Variants in LHFPL3 observed in about 807,000 individuals in gnomAD.
LHFPL3 encodes LHFPL tetraspan subfamily member 3.
LHFPL3 carries 5 observed loss-of-function variants against 19.3 expected under a neutral mutation model. The ratio of observed to expected loss-of-function variants is 0.26; its 90% CI spans 0.14 to 0.54. The LOEUF (loss-of-function observed/expected upper bound fraction) is 0.54, where lower values mean the gene tolerates loss of function less well. LHFPL3 is among the 20% of genes least tolerant of loss of function. The pLI is 0.94. For synonymous variants in LHFPL3, 133 were observed against 126.2 expected (o/e 1.05, Z -0.36); for missense variants, 249 against 307.4 (o/e 0.81, Z 1.42).
intron 2 of LHFPL3, among the ~76,000 whole-genome samples, chr7:104,891,260 T>C (rs193165861): frequency 6.8e-4 from 104 of 152,206 alleles, no homozygotes; most frequent in African/African-American, 2.4e-3. Context: ...CTCCCATAAA[T>C]GTATTTCTTA....
At chr7:104,578,461 C>T (rs1222347822) in intron 1 of LHFPL3, among the ~76,000 whole-genome samples, 1 of 152,148 alleles carries the variant, frequency 6.6e-6, no homozygotes, top group Non-Finnish European at 1.5e-5. Context: ...GGCAGGTAGG[C>T]AAGAGTGTTC....
chr7:104,764,577 A>G (rs1382223069), intron 2 of LHFPL3, among the ~76,000 whole-genome samples: 2 of 152,168 alleles, frequency 1.3e-5, no homozygotes, highest in African/African-American at 2.4e-5. Flanking sequence ...TATTTCAGTT[A>G]CAAAAACCCT....
intron 1 of LHFPL3, among the ~76,000 whole-genome samples, chr7:104,501,491 A>C (rs2115733393): frequency 6.6e-6 from 1 of 152,284 alleles, no homozygotes; most frequent in Non-Finnish European, 1.5e-5. Flanking sequence ...ATCTAAAGGC[A>C]CTTTTTTTTG....
At chr7:104,876,738 A>C (rs1191271091) in intron 2 of LHFPL3, among the ~76,000 whole-genome samples, 1 of 152,026 alleles carries the variant, frequency 6.6e-6, no homozygotes, top group East Asian at 1.9e-4. Flanking sequence ...GGGATCTAGA[A>C]CTAGAAATAC....
At chr7:104,408,864 C>CTTTTTTTTT (rs561975535) in intron 1 of LHFPL3, among the ~76,000 whole-genome samples, 1,979 of 105,206 alleles carry the variant, frequency 0.019, 184 homozygotes, top group Admixed American at 0.057. Flanking sequence ...AATTTTCTTT[C>CTTTTTTTTT]TTTTTTTTTT....
chr7:104,339,029 C>A (rs550810614), intron 1 of LHFPL3, among the ~76,000 whole-genome samples: 2 of 152,266 alleles, frequency 1.3e-5, no homozygotes, highest in African/African-American at 4.8e-5. Flanking sequence ...GGGTGGATCG[C>A]CTGAGGTCAG....
chr7:104,420,306 C>A (rs1326094870), intron 1 of LHFPL3, among the ~76,000 whole-genome samples: 3 of 152,238 alleles, frequency 2.0e-5, no homozygotes, highest in Non-Finnish European at 4.4e-5. Flanking sequence ...CTCCCCTCCC[C>A]TTGTTAGTGA....
intron 1 of LHFPL3, among the ~76,000 whole-genome samples, chr7:104,595,174 G>C (rs1453979195): frequency 6.6e-6 from 1 of 152,184 alleles, no homozygotes. Context: ...CATCTTTGTG[G>C]TTATATCTAC....
At chr7:104,690,930 T>A (rs112911640) in intron 1 of LHFPL3, among the ~76,000 whole-genome samples, 23 of 152,186 alleles carry the variant, frequency 1.5e-4, no homozygotes, top group African/African-American at 5.5e-4. Flanking sequence ...GCTTGAGGTG[T>A]CAGTGGCAGA....
chr7:104,822,641 T>A (rs75955085), intron 2 of LHFPL3, among the ~76,000 whole-genome samples: 3 of 152,128 alleles, frequency 2.0e-5, no homozygotes, highest in African/African-American at 7.2e-5. Flanking sequence ...GAGGAAGGAA[T>A]AGTTTTTCTT....
chr7:104,725,918 G>A (rs1048941667), intron 1 of LHFPL3, among the ~76,000 whole-genome samples: 1 of 151,952 alleles, frequency 6.6e-6, no homozygotes, highest in South Asian at 2.1e-4. Flanking sequence ...CAGGCATGGT[G>A]GCATGTGCCT....
At chr7:104,517,741 C>T (rs1193565607) in intron 1 of LHFPL3, among the ~76,000 whole-genome samples, 1 of 152,164 alleles carries the variant, frequency 6.6e-6, no homozygotes, top group East Asian at 1.9e-4. Context: ...CTCCTGACCT[C>T]AGGTGATCTA....
chr7:104,362,092 G>C (rs781027864), intron 1 of LHFPL3, among the ~76,000 whole-genome samples: 3 of 152,224 alleles, frequency 2.0e-5, no homozygotes, highest in Non-Finnish European at 4.4e-5. Context: ...ATGTTCCTGG[G>C]TTCTAGTTGG....
chr7:104,840,498 T>G (rs1186238638), intron 2 of LHFPL3, among the ~76,000 whole-genome samples: 5 of 138,646 alleles, frequency 3.6e-5, no homozygotes, highest in Admixed American at 2.2e-4. Flanking sequence ...TTTTTTTTTT[T>G]TTTTTGTAGA....
chr7:104,356,935 A>G (rs1382145515), intron 1 of LHFPL3, among the ~76,000 whole-genome samples: 1 of 152,202 alleles, frequency 6.6e-6, no homozygotes, highest in African/African-American at 2.4e-5. Flanking sequence ...TGAGCCAAAA[A>G]GGTTGGAGAC....
chr7:104,861,659 C>G (rs568722002), intron 2 of LHFPL3, among the ~76,000 whole-genome samples: 1 of 152,272 alleles, frequency 6.6e-6, no homozygotes, highest in South Asian at 2.1e-4. Flanking sequence ...CGCAGCCACC[C>G]AACCTGGGTG....
chr7:104,332,473 C>G lies in LHFPL3; in HGVS notation c.445+3249C>G, dbSNP rs544435106. 1.9e-4 allele frequency among the ~76,000 whole-genome samples: 29 copies of G among 152,022 alleles called. No homozygotes were observed. The South Asian group carries it at 4.4e-3, about 23-fold the overall frequency. ...CTGGAACTCCTCACCTCAAGCAATC[C>G]GACTGCCATGGCCTCCCAAAGTGCT... On this transcript the variant is annotated intron_variant, in intron 1 of 2. Coordinates refer to ENST00000424859, the MANE Select transcript of LHFPL3 (RefSeq NM_199000.3).
At chr7:104,469,086 C>T (rs998626855) in intron 1 of LHFPL3, among the ~76,000 whole-genome samples, 2 of 152,168 alleles carry the variant, frequency 1.3e-5, no homozygotes, top group African/African-American at 4.8e-5. Context: ...CAAACCTTTG[C>T]CCAGTGGACA....
intron 1 of LHFPL3, among the ~76,000 whole-genome samples, chr7:104,407,798 C>G (rs911923018): frequency 6.6e-6 from 1 of 152,196 alleles, no homozygotes; most frequent in African/African-American, 2.4e-5. Context: ...TTGTCTCCAA[C>G]TTGGAATGAA....
Sources: gnomAD v4.1 joint callset for allele counts (sites outside exome capture counted in the v4.1 genomes callset) on GRCh38, gnomAD v4.1.1 for gene constraint, MANE v1.5 for transcripts, NCBI Gene and HGNC (gene_info 2026-07-23, HGNC 2026-07-21) for gene names.